The following EPC1 variants were observed in gnomAD, a reference collection of about 807,000 sequenced individuals.
EPC1 encodes enhancer of polycomb 1, also known as enhancer of polycomb homolog 1.
EPC1 carries 12 observed loss-of-function variants against 98.4 expected under a neutral mutation model. The ratio of observed to expected loss-of-function variants is 0.12; its 90% CI spans 0.08 to 0.20. The LOEUF (loss-of-function observed/expected upper bound fraction) is 0.20, where lower values mean the gene tolerates loss of function less well. Among genes scored for constraint, EPC1 ranks in the 10% least tolerant of loss-of-function variants. The probability of loss-of-function intolerance (pLI) is 1.00; values close to 1 mark genes in which losing one functional copy is unlikely to be tolerated. For synonymous variants in EPC1, 357 were observed against 363.9 expected (o/e 0.98, Z 0.21); for missense variants, 729 against 990.5 (o/e 0.74, Z 3.54).
At chr10:32,374,716 A>T (rs560809871) in intron 1 of EPC1, among the ~76,000 whole-genome samples, 44 of 152,256 alleles carry the variant, frequency 2.9e-4, no homozygotes, top group African/African-American at 1.0e-3. Flanking sequence ...AATCTCACAC[A>T]TCTAAGACCT....
intron 1 of EPC1, among the ~76,000 whole-genome samples, chr10:32,364,961 C>T (rs1453056799): frequency 2.0e-5 from 3 of 148,820 alleles, no homozygotes; most frequent in African/African-American, 7.5e-5. Flanking sequence ...TTTTTTGGCC[C>T]AAGAGGATTC....
At chr10:32,361,539 C>A (rs1005636575) in intron 1 of EPC1, among the ~76,000 whole-genome samples, 11 of 152,174 alleles carry the variant, frequency 7.2e-5, no homozygotes, top group Non-Finnish European at 1.6e-4. Flanking sequence ...CTCTTCTTTT[C>A]TCTTTTCTGC....
At chr10:32,306,182 A>G (rs1008390199) in intron 1 of EPC1, among the ~76,000 whole-genome samples, 1 of 152,236 alleles carries the variant, frequency 6.6e-6, no homozygotes, top group Non-Finnish European at 1.5e-5. Flanking sequence ...AGAATTATAT[A>G]AAGAGATTCA....
At chr10:32,343,492 TGAGCCACC>T (rs1838512494) in intron 1 of EPC1, among the ~76,000 whole-genome samples, 1 of 152,234 alleles carries the variant, frequency 6.6e-6, no homozygotes, top group South Asian at 2.1e-4. Flanking sequence ...ATTACAGGCG[TGAGCCACC>T]GCATCCTGCC....
intron 1 of EPC1, among the ~76,000 whole-genome samples, chr10:32,329,364 C>T (rs1309569794): frequency 6.6e-6 from 1 of 152,210 alleles, no homozygotes; most frequent in South Asian, 2.1e-4. Flanking sequence ...ATGCTAAAAA[C>T]AGAACTTTGT....
chr10:32,280,869 AAAC>A (rs1245198299), intron 10 of EPC1, among the ~76,000 whole-genome samples: 3 of 152,188 alleles, frequency 2.0e-5, no homozygotes, highest in African/African-American at 7.2e-5. Context: ...CCAAACTCAT[AAAC>A]AACTTGGGCA....
At chr10:32,344,958 G>T (rs1248451120) in intron 1 of EPC1, among the ~76,000 whole-genome samples, 4 of 152,210 alleles carry the variant, frequency 2.6e-5, no homozygotes, top group Non-Finnish European at 1.5e-5. Context: ...GTGTACTGTT[G>T]TGCTGTCTTG....
intron 1 of EPC1, among the ~76,000 whole-genome samples, chr10:32,313,497 T>C (rs1366307793): frequency 6.6e-6 from 1 of 152,194 alleles, no homozygotes; most frequent in Non-Finnish European, 1.5e-5. Flanking sequence ...TAGAGAAATA[T>C]AAACAGGAAA....
chr10:32,276,478 C>T (rs371037395), intron 10 of EPC1, among the ~76,000 whole-genome samples: 300 of 152,350 alleles, frequency 2.0e-3, no homozygotes, highest in South Asian at 7.7e-3. Flanking sequence ...CACCACTGCA[C>T]TCTGGCCTGG....
chr10:32,280,423 C>A (rs949023607), intron 10 of EPC1, among the ~76,000 whole-genome samples: 1 of 152,022 alleles, frequency 6.6e-6, no homozygotes, highest in African/African-American at 2.4e-5. Flanking sequence ...GGCACTCCAG[C>A]CTGGGAGACA....
intron 1 of EPC1, among the ~76,000 whole-genome samples, chr10:32,311,390 G>A (rs1836222802): frequency 6.6e-6 from 1 of 151,654 alleles, no homozygotes; most frequent in Non-Finnish European, 1.5e-5. Context: ...TATATAGATG[G>A]CCACTGTATT....
In EPC1 at chr10:32,271,823, T is replaced by G. The variant is rs150041891; in HGVS notation, c.2100A>C (p.Ser700=). 6.2e-7 allele frequency: 1 copy of G among 1,614,040 alleles called. No homozygotes were observed. The highest frequency in any genetic ancestry group is 8.5e-7 in the Non-Finnish European group (1 of 1,180,040). Residue 700 remains serine (S), a synonymous_variant, in exon 13 of 14, where the codon TCA becomes TCC. Transcript: ENST00000319778. ...GGGAACTTGAAGTCTGTGTAATATT[T>G]GAAGGCTGTAACAAAGCTGAACCTG... The part of the protein sequence containing the change: ...STAGSALLQP[S]NITQTSSSHS...
At chr10:32,269,642 CA>C (rs1324673999) in intron 13 of EPC1, among the ~76,000 whole-genome samples, 2 of 152,136 alleles carry the variant, frequency 1.3e-5, no homozygotes, top group Non-Finnish European at 2.9e-5. Flanking sequence ...TCTTTAAAAA[CA>C]AAAGGACATG....
intron 1 of EPC1, among the ~76,000 whole-genome samples, chr10:32,324,854 G>A (rs1373305734): frequency 3.9e-5 from 6 of 152,036 alleles, no homozygotes; most frequent in African/African-American, 7.2e-5. Flanking sequence ...TTAGCTGGGC[G>A]TGGTGGCTGG....
chr10:32,269,421 T>C (rs1189895986), intron 13 of EPC1: 1 of 296,926 alleles, frequency 3.4e-6, no homozygotes, highest in African/African-American at 2.2e-5. Flanking sequence ...TTAGTAATTG[T>C]TGTTTCAAGT....
At chr10:32,279,922 C>T (rs550833268) in intron 10 of EPC1, among the ~76,000 whole-genome samples, 5 of 152,120 alleles carry the variant, frequency 3.3e-5, no homozygotes, top group East Asian at 1.9e-4. Flanking sequence ...TATACACATA[C>T]GGTCTTTCCC....
chr10:32,358,446 C>G (rs903227294), intron 1 of EPC1, among the ~76,000 whole-genome samples: 1 of 152,044 alleles, frequency 6.6e-6, no homozygotes, highest in Non-Finnish European at 1.5e-5. Context: ...GAGTTTGAGA[C>G]AAGCCTGGGC....
At chr10:32,280,159 ACTT>A (rs1450962655) in intron 10 of EPC1, among the ~76,000 whole-genome samples, 1 of 152,238 alleles carries the variant, frequency 6.6e-6, no homozygotes, top group Non-Finnish European at 1.5e-5. Flanking sequence ...ACTAAAATGT[ACTT>A]CTATTATCTT....
rs369394038 is a variant in EPC1, at chr10:32,286,670, G to T, written c.1391+24C>A. On this transcript the variant is annotated intron_variant, in intron 9 of 13. Transcript: ENST00000319778. ...ACCCTAATGCCTAAAATATCCTTCT[G>T]CTAGGAATACAGAAATACCTTACCT... The T allele has an allele frequency of 4.0e-5, 64 of 1,612,312 alleles. No individual in the cohort carries two copies. In the African/African-American group the frequency reaches 8.0e-4, roughly 20 times the overall value.
Sources: gnomAD v4.1 joint callset for allele counts (sites outside exome capture counted in the v4.1 genomes callset) on GRCh38, gnomAD v4.1.1 for gene constraint, MANE v1.5 for transcripts, NCBI Gene and HGNC (gene_info 2026-07-23, HGNC 2026-07-21) for gene names.